Variants in PTPRK observed in about 807,000 individuals in gnomAD.
The protein encoded by PTPRK is receptor-type tyrosine-protein phosphatase kappa.
PTPRK carries 75 observed loss-of-function variants against 178.0 expected under a neutral mutation model. The ratio of observed to expected loss-of-function variants is 0.42; its 90% CI spans 0.35 to 0.51. The LOEUF is 0.51. PTPRK is among the 20% of genes least tolerant of loss of function. The pLI is 0.02. For synonymous variants in PTPRK, 637 were observed against 620.6 expected, an observed-to-expected ratio of 1.03 and a Z score of -0.39; for missense variants, 1,441 against 1,797.8, an observed-to-expected ratio of 0.80 and a Z score of 3.59.
chr6:128,511,229 T>C (rs1169733779), intron 1 of PTPRK, among the ~76,000 whole-genome samples: 2 of 152,230 alleles, frequency 1.3e-5, no homozygotes, highest in Non-Finnish European at 2.9e-5. Context: ...TCTTCCACGC[T>C]TTCCCACTTA....
At position 128,282,392 on chromosome 6, in the gene PTPRK, G is replaced by A. The variant is rs80312200; in HGVS notation, c.495+39647C>T. 6.7e-3 allele frequency among the ~76,000 whole-genome samples: 1,017 copies of A among 152,160 alleles called. 12 individuals are homozygous for A. The highest frequency in any genetic ancestry group is 0.024 in the African/African-American group (980 of 41,514). ...GAGCTTGCTATACTTTTTAAATAACGCTATCAAGAATCTGAGTTTGTCACT... is the reference window on the plus strand; with the variant it reads ...GAGCTTGCTATACTTTTTAAATAACACTATCAAGAATCTGAGTTTGTCACT... On this transcript the variant is annotated intron_variant, in intron 3 of 29. Transcript: ENST00000368226.
rs531166209 is a variant in PTPRK at position 128,342,923 on chromosome 6, A to T, written c.224-20613T>A. 3.9e-5 allele frequency among the ~76,000 whole-genome samples: 6 copies of T among 151,970 alleles called. No homozygotes were observed. The South Asian group carries it at 1.2e-3, about 32-fold the overall frequency. The stretch of plus-strand genomic sequence containing the variant: ...GCAACATAGCAAGGCCTCATTTCTA[A>T]AAAAAAACAATTAAAAAATTAAAGA... On this transcript the variant is annotated intron_variant, in intron 2 of 29. Transcript: ENST00000368226.
intron 6 of PTPRK, among the ~76,000 whole-genome samples, chr6:128,199,563 T>C (rs1213017012): frequency 9.0e-6 from 1 of 111,136 alleles, no homozygotes; most frequent in African/African-American, 3.7e-5. Context: ...CTACAATATA[T>C]CAAGGAAGGA....
At chr6:128,412,002 A>G (rs964892490) in intron 1 of PTPRK, among the ~76,000 whole-genome samples, 1 of 152,216 alleles carries the variant, frequency 6.6e-6, no homozygotes, top group African/African-American at 2.4e-5. Context: ...CTAAGTATAA[A>G]TTCATAATGT....
intron 2 of PTPRK, among the ~76,000 whole-genome samples, chr6:128,331,576 C>T (rs968343442): frequency 4.6e-5 from 7 of 152,076 alleles, no homozygotes; most frequent in African/African-American, 1.7e-4. Context: ...AGACGGACAT[C>T]AGTGCCATCA....
At chr6:128,342,469 G>C (rs1222206172) in intron 2 of PTPRK, among the ~76,000 whole-genome samples, 2 of 151,954 alleles carry the variant, frequency 1.3e-5, no homozygotes, top group African/African-American at 4.8e-5. Context: ...ATGGTCAATT[G>C]TAATTGCCTA....
chr6:128,092,321 T>C (rs1314169901), intron 7 of PTPRK, among the ~76,000 whole-genome samples: 1 of 152,144 alleles, frequency 6.6e-6, no homozygotes, highest in Non-Finnish European at 1.5e-5. Flanking sequence ...TGCACTCACT[T>C]TAGGATAGTA....
intron 7 of PTPRK, among the ~76,000 whole-genome samples, chr6:128,152,473 C>T (rs182040296): frequency 1.3e-5 from 2 of 151,412 alleles, no homozygotes; most frequent in African/African-American, 4.8e-5. Flanking sequence ...GTGAAATAGT[C>T]CAAGAACAGA....
intron 7 of PTPRK, among the ~76,000 whole-genome samples, chr6:128,183,330 T>A (rs1725735575): frequency 6.6e-6 from 1 of 152,162 alleles, no homozygotes; most frequent in South Asian, 2.1e-4. Flanking sequence ...AAGCAAATTG[T>A]GAGATTTAGG....
In PTPRK at chr6:128,016,496, C is replaced by T. The variant is rs192524543; in HGVS notation, c.2195-7228G>A. 5.3e-5 allele frequency among the ~76,000 whole-genome samples: 8 copies of T among 151,970 alleles called. No individual in the cohort carries two copies. In the South Asian group the frequency reaches 8.3e-4, roughly 16 times the overall value. On this transcript the variant is annotated intron_variant, in intron 13 of 29. Transcript: ENST00000368226. ...TGCTTCAAGGGAAGGTCAGAGAGAT[C>T]TTCCTGTTTTTGTCACTTTCTCCAA...
chr6:128,058,187 A>G (rs1276276250), intron 13 of PTPRK, among the ~76,000 whole-genome samples: 1 of 152,172 alleles, frequency 6.6e-6, no homozygotes, highest in East Asian at 1.9e-4. Context: ...GTATCCCAGG[A>G]ATGGAATTGT....
intron 2 of PTPRK, among the ~76,000 whole-genome samples, chr6:128,369,325 G>A (rs9372889): frequency 0.045 from 6,803 of 152,084 alleles, 404 homozygotes; most frequent in East Asian, 0.32. Flanking sequence ...TGTAAATAAC[G>A]TTTAAAGGCA....
At chr6:128,339,859 T>C (rs189965612) in intron 2 of PTPRK, among the ~76,000 whole-genome samples, 22 of 152,298 alleles carry the variant, frequency 1.4e-4, no homozygotes, top group Non-Finnish European at 1.0e-4. Flanking sequence ...CCACAGGACA[T>C]CTGATTCTTC....
chr6:128,193,759 G>A (rs934675306), intron 6 of PTPRK, among the ~76,000 whole-genome samples: 2 of 152,014 alleles, frequency 1.3e-5, no homozygotes, highest in Non-Finnish European at 2.9e-5. Flanking sequence ...CATTACCATG[G>A]CGTTTTATTC....
At chr6:128,105,145 T>C (rs80305368) in intron 7 of PTPRK, among the ~76,000 whole-genome samples, 4 of 151,732 alleles carry the variant, frequency 2.6e-5, no homozygotes, top group Non-Finnish European at 5.9e-5. Flanking sequence ...TTTTTTTTTT[T>C]TCTTTTGAGA....
chr6:128,484,495 T>G (rs565051258), intron 1 of PTPRK, among the ~76,000 whole-genome samples: 29 of 152,270 alleles, frequency 1.9e-4, no homozygotes, highest in African/African-American at 7.0e-4. Flanking sequence ...TTCAACAAAT[T>G]TGAATAAGTC....
chr6:128,475,651 AC>A (rs1262102411), intron 1 of PTPRK, among the ~76,000 whole-genome samples: 1 of 152,032 alleles, frequency 6.6e-6, no homozygotes, highest in East Asian at 1.9e-4. Context: ...TTCATAAGAA[AC>A]AAGGTTGGGC....
intron 7 of PTPRK, among the ~76,000 whole-genome samples, chr6:128,107,461 G>C (rs749198843): frequency 1.3e-5 from 2 of 152,054 alleles, no homozygotes; most frequent in Non-Finnish European, 2.9e-5. Context: ...TTCCCCTAAA[G>C]CAGAATAATG....
chr6:127,998,750 T>G lies in PTPRK; in HGVS notation c.2649A>C (p.Ser883=), dbSNP rs41285282. The part of the protein sequence containing the change: ...LLQHINLMKT[S]DSYGFKEEYE... ...ATTCCTCTTTGAACCCATAGCTGTC[T>G]GATGTCTTCATGAGATTAATGTGCT... Residue 883 remains serine, a synonymous_variant, in exon 16 of 30, where the codon TCA becomes TCC. Coordinates refer to ENST00000368226, the MANE Select transcript of PTPRK (RefSeq NM_002844.4). 2.8e-4 allele frequency: 453 copies of G among 1,601,872 alleles called. No homozygotes were observed. The highest frequency in any genetic ancestry group is 3.5e-4 in the Non-Finnish European group (413 of 1,172,674).
Sources: gnomAD v4.1 joint callset for allele counts (sites outside exome capture counted in the v4.1 genomes callset) on GRCh38, gnomAD v4.1.1 for gene constraint, MANE v1.5 for transcripts, NCBI Gene and HGNC (gene_info 2026-07-23, HGNC 2026-07-21) for gene names.